Variants in FTCD observed in about 807,000 individuals in gnomAD.
FTCD encodes formimidoyltransferase-cyclodeaminase.
A neutral mutation model predicts 62.9 loss-of-function variants in FTCD; 76 were observed. That is an observed-to-expected ratio of 1.21 (90% confidence interval 1.00 to 1.46). The LOEUF (loss-of-function observed/expected upper bound fraction) is 1.46, where lower values mean the gene tolerates loss of function less well. FTCD is among the 40% of genes most tolerant of loss of function. The probability of loss-of-function intolerance (pLI) is 0.00; values close to 1 mark genes in which losing one functional copy is unlikely to be tolerated. For synonymous variants in FTCD, 397 were observed against 336.9 expected (o/e 1.18, Z -1.95); for missense variants, 845 against 751.3 (o/e 1.12, Z -1.46).
chr21:46,136,766 C>T, downstream of FTCD: 1 of 1,501,470 alleles, frequency 6.7e-7, no homozygotes, highest in Non-Finnish European at 8.9e-7. Flanking sequence ...AAACCGCCAA[C>T]ACACAACACA....
rs577764452 is a variant in FTCD, at chr21:46,137,391, G to A, written c.1444-57C>T. 8.4e-6 allele frequency: 11 copies of A among 1,309,102 alleles called. No homozygotes were observed. The Admixed American group carries it at 1.5e-4, about 18-fold the overall frequency. 81.1% of individuals were successfully genotyped at this position (1,309,102 alleles called of 1,614,324 possible). ...TCAAGGCTGAGCAAACTGCCGGAAG[G>A]AGGGTCTCTGCCTGACGGGCTCTGG... is the stretch of plus-strand genomic sequence containing the variant. On this transcript the variant is annotated intron_variant, in intron 12 of 13. Coordinates refer to ENST00000397746, the MANE Select transcript of FTCD (RefSeq NM_206965.2).
intron 5 of FTCD, 53 bp from the exon 6 acceptor site, chr21:46,150,578 C>T: frequency 4.4e-6 from 7 of 1,590,840 alleles, no homozygotes; most frequent in Non-Finnish European, 5.2e-6. Context: ...TCCTGCCTGG[C>T]CCTGCCAGTC....
At chr21:46,140,591 GTGT>G (rs2123492464) in intron 10 of FTCD, among the ~76,000 whole-genome samples, 2 of 126,246 alleles carry the variant, frequency 1.6e-5, no homozygotes, top group Admixed American at 8.3e-5. Flanking sequence ...CTCACAGGGA[GTGT>G]AAACCAATCC....
Position 46,138,646 on chromosome 21 carries a change from C to T in FTCD, c.1305G>A (p.Arg435=), listed in dbSNP as rs1196289518. Residue 435 remains arginine (R), a splice_region_variant and synonymous_variant, in exon 12 of 14, where the codon AGG becomes AGA. Transcript: ENST00000397746. The part of the protein sequence containing the change: ...LPKNTPEEKD[R]RTAALQEGLR... The stretch of plus-strand genomic sequence containing the variant: ...GACCCTCCTGTAGGGCCGCCGTGCG[C>T]CTGAAAGGAGCAAGAGGAGAGCCTG... 6 of 1,595,674 alleles carry T rather than the reference C, an allele frequency of 3.8e-6. No individual in the cohort carries two copies. Among genetic ancestry groups the T allele is most frequent in the Non-Finnish European group, 5.1e-6 (6 of 1,177,990 alleles).
Position 46,145,471 on chromosome 21 carries a change from C to G in FTCD, c.1206G>C (p.Ser402=), listed in dbSNP as rs376754467. 3.2e-6 allele frequency: 5 copies of G among 1,559,138 alleles called. No individual in the cohort carries two copies. Among genetic ancestry groups the G allele is most frequent in the Admixed American group, 1.9e-5 (1 of 53,012 alleles). Reference sequence around the variant, plus strand: ...CATCCACCAGCGTGGTTAGCTTGGCCGAAGCCTCGCGGAAGGGCGGGATCA... The same window carrying G: ...CATCCACCAGCGTGGTTAGCTTGGCGGAAGCCTCGCGGAAGGGCGGGATCA... ...RRLIPPFREA[S]AKLTTLVDAD... is the part of the protein sequence containing the mutation. The change falls in exon 10 of 14, where the codon TCG becomes TCC. Residue 402 remains serine, a synonymous_variant. Coordinates refer to ENST00000397746, the MANE Select transcript of FTCD (RefSeq NM_206965.2).
intron 10 of FTCD, 107 bp from the exon 11 acceptor site, chr21:46,139,030 C>A (rs2078936765): frequency 2.3e-6 from 2 of 876,100 alleles, no homozygotes; most frequent in East Asian, 2.4e-5. Context: ...CAGGCAGGGA[C>A]CAGTTCTCTG....
chr21:46,138,900 G>A lies in FTCD; in HGVS notation c.1284C>T (p.Asn428=), dbSNP rs767797661. ...CTCACCTGTCCTTTTCCTCAGGTGTGTTCTTGGGGAGCCTCATTGCTTCCT... is the reference window on the plus strand; with the variant it reads ...CTCACCTGTCCTTTTCCTCAGGTGTATTCTTGGGGAGCCTCATTGCTTCCT... ...AYLEAMRLPK[N]TPEEKDRRTA... The change falls in exon 11 of 14, where the codon AAC becomes AAT. Residue 428 remains asparagine, a synonymous_variant. Transcript: ENST00000397746. 5.6e-6 allele frequency: 9 copies of A among 1,613,036 alleles called. No homozygotes were observed. The highest frequency in any genetic ancestry group is 5.5e-5 in the South Asian group (5 of 91,072).
chr21:46,139,984 C>T (rs1366951067), intron 10 of FTCD, among the ~76,000 whole-genome samples: 3 of 152,176 alleles, frequency 2.0e-5, no homozygotes, highest in Non-Finnish European at 2.9e-5. Flanking sequence ...CCGCCCGGTC[C>T]GTTTTGTTTT....
rs572975646 is a variant in FTCD, at chr21:46,151,878, C to T, written c.456+14G>A. On this transcript the variant is annotated intron_variant, in intron 4 of 13. Transcript: ENST00000397746. ...CACCTCCTTCCCAGGCCCGACCGCCCGGGGTGGGGGCACCTTCTTAGGGAG... is the reference window on the plus strand; with the variant it reads ...CACCTCCTTCCCAGGCCCGACCGCCTGGGGTGGGGGCACCTTCTTAGGGAG... 243 of 1,555,414 alleles carry T rather than the reference C, an allele frequency of 1.6e-4. No homozygotes were observed. The highest frequency in any genetic ancestry group is 3.6e-4 in the East Asian group (15 of 41,632).
At chr21:46,139,042 G>C (rs975592728) in intron 10 of FTCD, 119 bp from the exon 11 acceptor site, 6 of 799,014 alleles carry the variant, frequency 7.5e-6, no homozygotes, top group African/African-American at 6.7e-5. Context: ...AGTTCTCTGG[G>C]AACCAAGCTT....
intron 3 of FTCD, chr21:46,152,525 C>T (rs960463413): frequency 8.4e-5 from 17 of 202,534 alleles, no homozygotes; most frequent in Admixed American, 3.8e-4. Context: ...GATTTCTTTC[C>T]AGGAGCGCTG....
At chr21:46,147,646 G>C (rs2079177870) in intron 7 of FTCD, among the ~76,000 whole-genome samples, 1 of 151,998 alleles carries the variant, frequency 6.6e-6, no homozygotes. Context: ...AGGTAAAGAA[G>C]ACAAAACCCC....
chr21:46,152,576 T>G, intron 3 of FTCD: 1 of 251,968 alleles, frequency 4.0e-6, no homozygotes, highest in Non-Finnish European at 7.6e-6. Context: ...TTTGTCCCGT[T>G]TGTCTCTGTT....
At chr21:46,152,837 T>TACA in intron 3 of FTCD, 70 bp downstream of exon 3, 1 of 1,317,440 alleles carries the variant, frequency 7.6e-7, no homozygotes, top group Non-Finnish European at 1.0e-6. Context: ...AACTGGGGGA[T>TACA]ACAGAAGGAG....
chr21:46,142,412 A>T (rs1241119485), intron 10 of FTCD: 1 of 149,832 alleles, frequency 6.7e-6, no homozygotes, highest in Non-Finnish European at 1.5e-5. Flanking sequence ...CGACCTTCAC[A>T]GTGAGCGTTA....
In FTCD at chr21:46,145,418, A is replaced by G. The variant is rs1311683537; in HGVS notation, c.1259T>C (p.Leu420Pro). The G allele has an allele frequency of 1.3e-6, 2 of 1,546,784 alleles. No homozygotes were observed. Among genetic ancestry groups the G allele is most frequent in the Non-Finnish European group, 1.7e-6 (2 of 1,145,536 alleles). The change falls in exon 10 of 14, where the codon CTG (leucine) becomes CCG (proline). Residue 420 changes from leucine to proline, a missense_variant and splice_region_variant. Transcript: ENST00000397746. ...DADAEAFTAY[L>P]EAMRLPKNTP... ...AGCCCTGCTGTGGCCGCCACTCACC[A>G]GGTAGGCGGTGAAGGCCTCGGCGTC...
rs780181798 is a variant in FTCD at position 46,137,084 on chromosome 21, C to T, written c.1540-11G>A. 2 of 1,613,808 alleles carry T rather than the reference C, an allele frequency of 1.2e-6. No individual in the cohort carries two copies. The highest frequency in any genetic ancestry group is 1.7e-6 in the Non-Finnish European group (2 of 1,180,002). ...AACACGATGGTGGATCTGATGGACA[C>T]AGGGAAAGAGGGGTCTGGTAGTTCC... On this transcript the variant is annotated splice_polypyrimidine_tract_variant and intron_variant, in intron 13 of 13. Coordinates refer to ENST00000397746, the MANE Select transcript of FTCD (RefSeq NM_206965.2).
chr21:46,137,086 G>A lies in FTCD; in HGVS notation c.1540-13C>T, dbSNP rs1454797093. The A allele has an allele frequency of 1.2e-6, 2 of 1,613,590 alleles. No homozygotes were observed. The highest frequency in any genetic ancestry group is 2.7e-5 in the African/African-American group (2 of 74,948). Reference sequence around the variant, plus strand: ...CACGATGGTGGATCTGATGGACACAGGGAAAGAGGGGTCTGGTAGTTCCAG... The same window carrying A: ...CACGATGGTGGATCTGATGGACACAAGGAAAGAGGGGTCTGGTAGTTCCAG... On this transcript the variant is annotated splice_polypyrimidine_tract_variant and intron_variant, in intron 13 of 13. Coordinates refer to ENST00000397746, the MANE Select transcript of FTCD (RefSeq NM_206965.2).
intron 1 of FTCD, 47 bp from the exon 2 acceptor site, chr21:46,154,379 G>C (rs1439766668): frequency 1.9e-6 from 3 of 1,573,014 alleles, no homozygotes; most frequent in Non-Finnish European, 2.6e-6. Flanking sequence ...CCGTTTGAAA[G>C]AAGGAAAAGG....
Sources: allele counts gnomAD v4.1 joint callset (sites outside exome capture counted in the v4.1 genomes callset), GRCh38; gene constraint gnomAD v4.1.1; transcripts MANE v1.5; gene names NCBI Gene and HGNC (gene_info 2026-07-23, HGNC 2026-07-21).